ABCB6: variants seen among roughly 807,000 people sequenced by gnomAD.
ABCB6 encodes ATP binding cassette subfamily B member 6 (LAN blood group), also known as ATP-binding cassette sub-family B member 6.
ABCB6 carries 87 observed loss-of-function variants against 99.4 expected under a neutral mutation model. The observed-to-expected ratio is 0.88, with a 90% CI of 0.74 to 1.05. The LOEUF is 1.05. Among genes scored for constraint, ABCB6 ranks in the 50% least tolerant of loss-of-function variants. The pLI is 0.00. For missense variants in ABCB6, 1,050 were observed against 1,097.9 expected, an observed-to-expected ratio of 0.96 and a Z score of 0.62; for synonymous variants, 482 against 447.5, an observed-to-expected ratio of 1.08 and a Z score of -0.97.
chr2:219,211,262 T>G (rs191210554), intron 14 of ABCB6, among the ~76,000 whole-genome samples, 154 bp from the exon 15 acceptor site: 11 of 152,300 alleles, frequency 7.2e-5, no homozygotes, highest in Non-Finnish European at 1.5e-4. Flanking sequence ...ATCACTCCTC[T>G]CTGTTTCCCC....
rs1315856485 is a variant in ABCB6 at position 219,216,058 on chromosome 2, G to A, written c.1093C>T (p.Arg365Cys). The A allele has an allele frequency of 5.0e-6, 8 of 1,607,128 alleles. No individual in the cohort carries two copies. Among genetic ancestry groups the A allele is most frequent in the East Asian group, 2.2e-5 (1 of 44,654 alleles). Residue 365 changes from arginine (R) to cysteine (C), a missense_variant, in exon 5 of 19, where the codon CGC (arginine) becomes TGC (cysteine). Coordinates refer to ENST00000265316, the MANE Select transcript of ABCB6 (RefSeq NM_005689.4). The surrounding 1 kb of genome is among the most constrained non-coding windows in gnomAD (Gnocchi z 4.2). ...ELSLRWHLGRRTGEVLRIADR... is the reference protein window; with the variant it reads ...ELSLRWHLGRCTGEVLRIADR... ...GCGATCCGCAGCACCTCCCCTGTGC[G>A]GCGCCCCAGGTGCCAGCGCAGTGAG...
Position 219,210,704 on chromosome 2 carries a change from G to A in ABCB6, c.2256+7C>T, listed in dbSNP as rs1394988833. ...GCAGGAAGGAGGGGAGGAGACCCAG[G>A]GCGCACCTCATCCAGCAGAATGATG... is the stretch of plus-strand genomic sequence containing the variant. On this transcript the variant is annotated splice_region_variant and intron_variant, in intron 16 of 18. Coordinates refer to ENST00000265316, the MANE Select transcript of ABCB6 (RefSeq NM_005689.4). 1.2e-6 allele frequency: 2 copies of A among 1,613,350 alleles called. No individual in the cohort carries two copies. Among genetic ancestry groups the A allele is most frequent in the African/African-American group, 1.3e-5 (1 of 74,870 alleles).
intron 5 of ABCB6, chr2:219,215,740 CAA>C (rs781330378): frequency 1.9e-4 from 68 of 354,066 alleles, no homozygotes; most frequent in Non-Finnish European, 3.0e-4. Flanking sequence ...GACCCTGTCT[CAA>C]AAAAAGAGCA....
intron 14 of ABCB6, 37 bp downstream of exon 14, chr2:219,212,350 G>A: frequency 6.4e-7 from 1 of 1,566,656 alleles, no homozygotes; most frequent in Non-Finnish European, 8.8e-7. Context: ...TCCACACGTA[G>A]ACCCCTAAAC....
Position 219,218,258 on chromosome 2 carries a change from C to T in ABCB6, c.416G>A (p.Gly139Asp), listed in dbSNP as rs1034470038. The change falls in exon 1 of 19, where the codon GGC (glycine) becomes GAC (aspartate). Residue 139 changes from glycine to aspartate, a missense_variant. Transcript: ENST00000265316. ...RSQARQRLAM[G>D]IWIKFRHSPG... ...GCTGTGCCTGAACTTGATCCAGATG[C>T]CCATTGCCAGACGCTGCCGTGCCTG... 6.2e-7 allele frequency: 1 copy of T among 1,613,566 alleles called. No homozygotes were observed. The highest frequency in any genetic ancestry group is 8.5e-7 in the Non-Finnish European group (1 of 1,180,044).
At chr2:219,213,134 T>A (rs1250494460) in intron 12 of ABCB6, 69 bp from the exon 13 acceptor site, 1 of 1,603,016 alleles carries the variant, frequency 6.2e-7, no homozygotes, top group Non-Finnish European at 8.5e-7. Flanking sequence ...GCCCTGCCCC[T>A]CCCCTGCCCA....
Position 219,210,007 on chromosome 2 carries a change from G to T in ABCB6, c.2460C>A (p.Asp820Glu). 1 of 1,614,118 alleles carries T rather than the reference G, an allele frequency of 6.2e-7. No homozygotes were observed. The highest frequency in any genetic ancestry group is 1.1e-5 in the South Asian group (1 of 91,072). ...CCTGTCCCTGCTGCAGCTGCCACAT[G>T]TCAGCATACACCCCACCTCGGGACA... ...ALLSRGGVYA[D>E]MWQLQQGQEE... The change falls in exon 19 of 19, where the codon GAC becomes GAA. Residue 820 changes from aspartate to glutamate, a missense_variant. Transcript: ENST00000265316.
At position 219,210,288 on chromosome 2, in the gene ABCB6, C is replaced by T. The variant is rs1950559861; in HGVS notation, c.2362G>A (p.Val788Met). ...ACGAGGATCTGGTCAGCATTGACCA[C>T]AGTTGAGAGCCTGAGAAGTCAAAGA... ...TIVVAHRLST[V>M]VNADQILVIK... The change falls in exon 18 of 19, where the codon GTG becomes ATG. Residue 788 changes from valine (V) to methionine (M), a missense_variant. By Grantham distance (21) the Val-to-Met change is conservative. Transcript: ENST00000265316. The T allele has an allele frequency of 1.2e-6, 2 of 1,614,226 alleles. No homozygotes were observed. The highest frequency in any genetic ancestry group is 2.2e-5 in the East Asian group (1 of 44,886).
rs1426155485 is a variant in ABCB6, at chr2:219,218,830, G to C, written c.-157C>G. On this transcript the variant is annotated 5_prime_UTR_variant, in exon 1 of 19. Transcript: ENST00000265316. Reference sequence around the variant, plus strand: ...CCGGGAAGGGACGCACGTGGACCAGGCCTCACCGCCCACTCCCCTAGCGCA... The same window carrying C: ...CCGGGAAGGGACGCACGTGGACCAGCCCTCACCGCCCACTCCCCTAGCGCA... The C allele has an allele frequency of 1.3e-6, 1 of 776,116 alleles. No homozygotes were observed. The highest frequency in any genetic ancestry group is 1.9e-6 in the Non-Finnish European group (1 of 514,662). The allele number at this position is 776,116 out of a possible 1,614,324, so 48.1% of individuals were successfully genotyped here. A position where few individuals can be genotyped will look rare whatever the true frequency, so the allele number is the denominator to read the frequency against.
Position 219,214,027 on chromosome 2 carries a change from C to T in ABCB6, c.1453-76G>A, listed in dbSNP as rs1474072275. 1.2e-5 allele frequency: 19 copies of T among 1,612,498 alleles called. No individual in the cohort carries two copies. In the East Asian group the frequency reaches 4.0e-4, roughly 34 times the overall value. Reference sequence around the variant, plus strand: ...GTGAGTCCAAACCTGGGCCCAGGCCCCTTCTACCCCAACACTCGACTATCA... The same window carrying T: ...GTGAGTCCAAACCTGGGCCCAGGCCTCTTCTACCCCAACACTCGACTATCA... On this transcript the variant is annotated intron_variant, in intron 8 of 18. Coordinates refer to ENST00000265316, the MANE Select transcript of ABCB6 (RefSeq NM_005689.4).
At position 219,213,921 on chromosome 2, in the gene ABCB6, C is replaced by G. The variant is rs749624340; in HGVS notation, c.1483G>C (p.Val495Leu). 3.1e-5 allele frequency: 50 copies of G among 1,613,958 alleles called. No individual in the cohort carries two copies. In the South Asian group the frequency reaches 4.9e-4, roughly 16 times the overall value. Reference sequence around the variant, plus strand: ...AGGTTCTGGGTCTGATTTAGTAAAACCAGTGAAGCGCTCGACTTCCACTCC... The same window carrying G: ...AGGTTCTGGGTCTGATTTAGTAAAAGCAGTGAAGCGCTCGACTTCCACTCC... ...GLEWKSSASL[V>L]LLNQTQNLVI... Residue 495 changes from valine to leucine, a missense_variant, in exon 9 of 19, where the codon GTT becomes CTT. Val to Leu is a conservative substitution (Grantham distance 32). Transcript: ENST00000265316.
chr2:219,216,823 C>G lies in ABCB6; in HGVS notation c.697G>C (p.Ala233Pro), dbSNP rs1454653292. ...QDVERSQVRS[A>P]AQQSTWRDFG... ...TCTCGCCAGGTAGACTGTTGGGCTG[C>G]TGACCGAACCTAGGATGGTGAAACA... The change falls in exon 3 of 19, where the codon GCA (alanine) becomes CCA (proline). Residue 233 changes from alanine to proline, a missense_variant. Coordinates refer to ENST00000265316, the MANE Select transcript of ABCB6 (RefSeq NM_005689.4). The surrounding 1 kb of genome is among the most constrained non-coding windows in gnomAD (Gnocchi z 4.2). 6.2e-7 allele frequency: 1 copy of G among 1,611,680 alleles called. No individual in the cohort carries two copies. Among genetic ancestry groups the G allele is most frequent in the East Asian group, 2.2e-5 (1 of 44,850 alleles).
chr2:219,218,797 CG>C lies in ABCB6; in HGVS notation c.-125del. 1.8e-6 allele frequency: 2 copies of C among 1,116,272 alleles called. No individual in the cohort carries two copies. The highest frequency in any genetic ancestry group is 2.4e-6 in the Non-Finnish European group (2 of 816,522). The allele number at this position is 1,116,272 out of a possible 1,614,324, so 69.1% of individuals were successfully genotyped here. A position where few individuals can be genotyped will look rare whatever the true frequency, so the allele number is the denominator to read the frequency against. ...CACGTAGCCGCTGGGCGCCAAGCTG[CG>C]GGGGTCCCGGGAAGGGACGCACGTG... On this transcript the variant is annotated 5_prime_UTR_variant, in exon 1 of 19. Coordinates refer to ENST00000265316, the MANE Select transcript of ABCB6 (RefSeq NM_005689.4).
chr2:219,214,666 A>G (rs1950618181), intron 6 of ABCB6, 168 bp from the exon 7 acceptor site: 1 of 645,050 alleles, frequency 1.6e-6, no homozygotes, highest in African/African-American at 1.8e-5. Context: ...TCATGTGTAG[A>G]AAACGCTTTT....
rs1350471099 is a variant in ABCB6, at chr2:219,216,214, T to C, written c.971-34A>G. 1.3e-6 allele frequency: 2 copies of C among 1,570,632 alleles called. No homozygotes were observed. The highest frequency in any genetic ancestry group is 1.3e-5 in the African/African-American group (1 of 74,236). On this transcript the variant is annotated intron_variant, in intron 4 of 18. Coordinates refer to ENST00000265316, the MANE Select transcript of ABCB6 (RefSeq NM_005689.4). The surrounding 1 kb of genome is among the most constrained non-coding windows in gnomAD (Gnocchi z 4.2). ...AGCCGGGGGACGCCTCAGTAGGGCC[T>C]GGGAGCTGAGGGACGTCAGCCCAGC...
chr2:219,218,303 AGCCACAG>A lies in ABCB6; in HGVS notation c.364_370del (p.Leu122CysfsTer126). On this transcript the variant is annotated frameshift_variant, in exon 1 of 19. Transcript: ENST00000265316. LOFTEE classifies it high-confidence loss of function. ...TGCCTGGCTCCGCTCCACGACAAGC[AGCCACAG>A]GCCACAGGCGCCGGCCAGACTCTCC... The A allele has an allele frequency of 6.2e-7, 1 of 1,613,318 alleles. No individual in the cohort carries two copies. The highest frequency in any genetic ancestry group is 1.1e-5 in the South Asian group (1 of 91,084).
rs765241829 is a variant in ABCB6, at chr2:219,215,028, G to A, written c.1209C>T (p.Ile403=). 4.3e-6 allele frequency: 7 copies of A among 1,614,072 alleles called. No individual in the cohort carries two copies. The highest frequency in any genetic ancestry group is 5.9e-6 in the Non-Finnish European group (7 of 1,180,054). The change falls in exon 6 of 19, where the codon ATC becomes ATT. Residue 403 remains isoleucine, a synonymous_variant. Coordinates refer to ENST00000265316, the MANE Select transcript of ABCB6 (RefSeq NM_005689.4). ...PTLADIIIGI[I]YFSMFFNAWF... Reference sequence around the variant, plus strand: ...AGGCGTTGAAGAACATGCTGAAGTAGATGATGCCAATGATGATGTCGGCCA... The same window carrying A: ...AGGCGTTGAAGAACATGCTGAAGTAAATGATGCCAATGATGATGTCGGCCA...
At position 219,210,264 on chromosome 2, in the gene ABCB6, C is replaced by T. The variant is rs753788507; in HGVS notation, c.2386G>A (p.Val796Ile). 3.3e-5 allele frequency: 54 copies of T among 1,614,024 alleles called. No individual in the cohort carries two copies. In the African/African-American group the frequency reaches 3.5e-4, roughly 10 times the overall value. The change falls in exon 18 of 19, where the codon GTC becomes ATC. Residue 796 changes from valine to isoleucine, a missense_variant. Transcript: ENST00000265316. ...TCCACGATGCAGCCATCCTTGATGACGAGGATCTGGTCAGCATTGACCACA... is the reference window on the plus strand; with the variant it reads ...TCCACGATGCAGCCATCCTTGATGATGAGGATCTGGTCAGCATTGACCACA... ...STVVNADQIL[V>I]IKDGCIVERG...
Position 219,218,398 on chromosome 2 carries a change from A to C in ABCB6, c.276T>G (p.Ala92=), listed in dbSNP as rs773830764. ...CCCCCCGGGCAGTGCCCACCCGGCC[A>C]GCCAGGCCGGCCAGGGGCAGCGCCG... The part of the protein sequence containing the change: ...LQAALPLAGL[A]GRVGTARGAP... The change falls in exon 1 of 19, where the codon GCT becomes GCG. Residue 92 remains alanine (A), a synonymous_variant. Coordinates refer to ENST00000265316, the MANE Select transcript of ABCB6 (RefSeq NM_005689.4). 1.9e-6 allele frequency: 3 copies of C among 1,612,080 alleles called. No individual in the cohort carries two copies. In the South Asian group the frequency reaches 3.3e-5, roughly 18 times the overall value.
Sources: allele counts gnomAD v4.1 joint callset (sites outside exome capture counted in the v4.1 genomes callset), GRCh38; gene constraint gnomAD v4.1.1; non-coding constraint Gnocchi (gnomAD v3.1); transcripts MANE v1.5; gene names NCBI Gene and HGNC (gene_info 2026-07-23, HGNC 2026-07-21).